Variants in LRP1B observed in about 807,000 individuals in gnomAD.
LRP1B encodes low-density lipoprotein receptor-related protein 1B.
A neutral mutation model predicts 556.6 loss-of-function variants in LRP1B; 217 were observed. The ratio of observed to expected loss-of-function variants is 0.39; its 90% CI spans 0.35 to 0.44. The LOEUF is 0.44. Among genes scored for constraint, LRP1B ranks in the 20% least tolerant of loss-of-function variants. The pLI is 1.00. For synonymous variants in LRP1B, 2,047 were observed against 1,865.8 expected, an observed-to-expected ratio of 1.10 and a Z score of -2.50; for missense variants, 5,053 against 5,620.8, an observed-to-expected ratio of 0.90 and a Z score of 3.23.
intron 7 of LRP1B, among the ~76,000 whole-genome samples, chr2:141,077,010 G>T (rs1288887755): frequency 6.6e-6 from 1 of 152,208 alleles, no homozygotes; most frequent in Admixed American, 6.5e-5. Context: ...ACTTTGGGAG[G>T]CCGAGGTGGG....
At chr2:140,505,833 A>G (rs1406538552) in intron 53 of LRP1B, among the ~76,000 whole-genome samples, 1 of 152,218 alleles carries the variant, frequency 6.6e-6, no homozygotes, top group Non-Finnish European at 1.5e-5. Flanking sequence ...TATAAAGTTC[A>G]CAGCTTTTCA....
At chr2:140,282,533 C>T (rs567660745) in intron 84 of LRP1B, among the ~76,000 whole-genome samples, 92 of 151,900 alleles carry the variant, frequency 6.1e-4, no homozygotes, top group African/African-American at 2.2e-3. Flanking sequence ...AATATCTTTG[C>T]TGTTCTCTTT....
intron 2 of LRP1B, among the ~76,000 whole-genome samples, chr2:141,585,858 A>C (rs901964858): frequency 1.3e-5 from 2 of 149,876 alleles, no homozygotes; most frequent in African/African-American, 2.5e-5. Context: ...GAATCCTCCC[A>C]CTTCAGTAGC....
At chr2:141,959,830 G>T (rs1701353074) in intron 1 of LRP1B, among the ~76,000 whole-genome samples, 1 of 151,864 alleles carries the variant, frequency 6.6e-6, no homozygotes, top group South Asian at 2.1e-4. Context: ...CATGTGGCTG[G>T]TAGCTACTGC....
intron 66 of LRP1B, among the ~76,000 whole-genome samples, chr2:140,391,110 A>T (rs1417661594): frequency 6.6e-6 from 1 of 152,164 alleles, no homozygotes; most frequent in Non-Finnish European, 1.5e-5. Flanking sequence ...GATTATGATA[A>T]GCAAACTTAT....
chr2:142,087,889 G>A (rs945955514), intron 1 of LRP1B, among the ~76,000 whole-genome samples: 9 of 152,104 alleles, frequency 5.9e-5, no homozygotes, highest in Admixed American at 1.3e-4. Flanking sequence ...TTTTACAAAC[G>A]AAAGTAGTTT....
At chr2:140,802,842 G>A (rs1310650577) in intron 32 of LRP1B, among the ~76,000 whole-genome samples, 1 of 152,196 alleles carries the variant, frequency 6.6e-6, no homozygotes, top group African/African-American at 2.4e-5. Context: ...CCTCAAAGGT[G>A]CAGTTTTCAA....
chr2:141,839,539 A>T (rs1433903152), intron 1 of LRP1B, among the ~76,000 whole-genome samples: 2 of 152,172 alleles, frequency 1.3e-5, no homozygotes, highest in East Asian at 3.9e-4. Context: ...AGTCACTATA[A>T]ATTGGTAAAC....
At chr2:142,115,356 C>A (rs1283849930) in intron 1 of LRP1B, among the ~76,000 whole-genome samples, 1 of 147,850 alleles carries the variant, frequency 6.8e-6, no homozygotes, top group Non-Finnish European at 1.5e-5. Flanking sequence ...ACTGAAAGAG[C>A]TCCCAGTGGC....
chr2:142,098,841 T>A (rs1046569480), intron 1 of LRP1B, among the ~76,000 whole-genome samples: 5 of 151,758 alleles, frequency 3.3e-5, no homozygotes, highest in African/African-American at 1.2e-4. Flanking sequence ...AAATGAGAAA[T>A]CAAAGCAGAA....
chr2:140,646,645 A>C (rs2105311017), intron 41 of LRP1B, among the ~76,000 whole-genome samples: 1 of 152,278 alleles, frequency 6.6e-6, no homozygotes, highest in East Asian at 1.9e-4. Context: ...TATCTTTTAA[A>C]CATAAACTGT....
intron 2 of LRP1B, among the ~76,000 whole-genome samples, chr2:141,512,926 T>C (rs779540191): frequency 7.6e-4 from 115 of 152,126 alleles, no homozygotes; most frequent in Non-Finnish European, 1.4e-3. Context: ...CCAAATAAAC[T>C]AGATCATCTT....
chr2:141,950,894 G>A (rs561371407), intron 1 of LRP1B, among the ~76,000 whole-genome samples: 122 of 152,156 alleles, frequency 8.0e-4, no homozygotes, highest in African/African-American at 2.8e-3. Flanking sequence ...GATAAACAAA[G>A]AAATCAGTTG....
At chr2:140,306,589 C>T (rs924910034) in intron 83 of LRP1B, among the ~76,000 whole-genome samples, 1 of 150,976 alleles carries the variant, frequency 6.6e-6, no homozygotes, top group Non-Finnish European at 1.5e-5. Flanking sequence ...TTTTGTTGAT[C>T]TGTTCAAAAA....
chr2:142,004,909 A>G (rs545706871), intron 1 of LRP1B, among the ~76,000 whole-genome samples: 139 of 151,896 alleles, frequency 9.2e-4, no homozygotes, highest in African/African-American at 2.6e-3. Flanking sequence ...GAATATGCCT[A>G]CCTACAGCTA....
intron 2 of LRP1B, among the ~76,000 whole-genome samples, chr2:141,744,344 G>T (rs548507304): frequency 1.7e-4 from 26 of 152,016 alleles, no homozygotes; most frequent in Non-Finnish European, 1.3e-4. Flanking sequence ...CAGAGAAAAT[G>T]CTTGCTATTA....
At chr2:141,910,162 G>A (rs1218185320) in intron 1 of LRP1B, among the ~76,000 whole-genome samples, 4 of 124,524 alleles carry the variant, frequency 3.2e-5, no homozygotes, top group African/African-American at 1.3e-4. Context: ...AAAAAAAATT[G>A]TCTGCATTTT....
intron 84 of LRP1B, among the ~76,000 whole-genome samples, chr2:140,277,270 A>G (rs746431403): frequency 1.3e-4 from 20 of 151,980 alleles, no homozygotes; most frequent in Non-Finnish European, 2.5e-4. Flanking sequence ...AATTTTGTGC[A>G]TAAATTAAAT....
chr2:141,059,716 T>C (rs553236307), intron 8 of LRP1B, among the ~76,000 whole-genome samples: 1 of 151,952 alleles, frequency 6.6e-6, no homozygotes, highest in African/African-American at 2.4e-5. Context: ...TTTATTGCTA[T>C]CCATATACTT....
Sources: allele counts gnomAD v4.1 joint callset (sites outside exome capture counted in the v4.1 genomes callset), GRCh38; gene constraint gnomAD v4.1.1; transcripts MANE v1.5; gene names NCBI Gene and HGNC (gene_info 2026-07-23, HGNC 2026-07-21).